LMLN: variants seen among roughly 807,000 people sequenced by gnomAD.
The protein encoded by LMLN is leishmanolysin like peptidase.
LMLN carries 70 observed loss-of-function variants against 92.3 expected under a neutral mutation model. The observed-to-expected ratio is 0.76, with a 90% CI of 0.63 to 0.92. LMLN has a LOEUF of 0.92. Among genes scored for constraint, LMLN ranks in the 40% least tolerant of loss-of-function variants. The pLI, the probability that LMLN is intolerant of heterozygous loss-of-function variation, is 0.00. For missense variants in LMLN, 691 were observed against 814.6 expected (o/e 0.85, Z 1.85); for synonymous variants, 308 against 296.2 (o/e 1.04, Z -0.41).
chr3:197,998,026 G>A (rs1722075467), intron 10 of LMLN, among the ~76,000 whole-genome samples: 2 of 152,126 alleles, frequency 1.3e-5, no homozygotes. Flanking sequence ...GATTCCCTTC[G>A]AGAAGGATAT....
intron 1 of LMLN, among the ~76,000 whole-genome samples, chr3:197,970,074 C>A (rs1379774156): frequency 6.6e-6 from 1 of 152,022 alleles, no homozygotes; most frequent in Non-Finnish European, 1.5e-5. Flanking sequence ...ATTGCTTGAA[C>A]CCAGGAGGCG....
chr3:197,966,319 G>A (rs1721059404), intron 1 of LMLN, among the ~76,000 whole-genome samples: 1 of 152,154 alleles, frequency 6.6e-6, no homozygotes, highest in South Asian at 2.1e-4. Flanking sequence ...TGGGATTACA[G>A]GCATGAGCCA....
intron 14 of LMLN, among the ~76,000 whole-genome samples, chr3:198,027,379 A>G (rs760563724): frequency 6.6e-6 from 1 of 152,132 alleles, no homozygotes; most frequent in Admixed American, 6.6e-5. Flanking sequence ...TTGTGGCAAA[A>G]TATATATAAC....
At chr3:197,993,976 A>T (rs1051420415) in intron 9 of LMLN, among the ~76,000 whole-genome samples, 3 of 152,206 alleles carry the variant, frequency 2.0e-5, no homozygotes, top group Non-Finnish European at 4.4e-5. Context: ...TTAACCAATT[A>T]TGGTTAATTG....
chr3:197,975,029 T>C lies in LMLN; in HGVS notation c.318-13T>C, dbSNP rs770368932. The C allele has an allele frequency of 1.4e-6, 2 of 1,459,006 alleles. No individual in the cohort carries two copies. The highest frequency in any genetic ancestry group is 2.3e-5 in the South Asian group (2 of 85,894). The allele number at this position is 1,459,006 out of a possible 1,614,324, so 90.4% of individuals were successfully genotyped here. ...GAGAGATAATCCTTATGTTTTTATG[T>C]CATTATTTTCAGGTTGCTCCCTGAG... On this transcript the variant is annotated splice_polypyrimidine_tract_variant and intron_variant, in intron 2 of 15. Coordinates refer to ENST00000330198, the Ensembl canonical transcript of LMLN.
At chr3:197,997,925 C>T (rs1056474983) in intron 10 of LMLN, among the ~76,000 whole-genome samples, 1 of 152,188 alleles carries the variant, frequency 6.6e-6, no homozygotes, top group Non-Finnish European at 1.5e-5. Context: ...TTATTTATAT[C>T]TGTGATACCC....
intron 11 of LMLN, among the ~76,000 whole-genome samples, chr3:198,016,292 A>G (rs1055017296): frequency 6.6e-6 from 1 of 152,122 alleles, no homozygotes; most frequent in African/African-American, 2.4e-5. Flanking sequence ...AGTTTCTACT[A>G]AGGAGTCTGA....
At position 198,038,372 on chromosome 3, in the gene LMLN, T is replaced by C. The variant is rs540814154; in HGVS notation, c.1868-195T>C. On this transcript the variant is annotated intron_variant, in intron 15 of 15. Transcript: ENST00000330198. ...TTGACATAGTGGATACATCATTTCT[T>C]CCTCCATATATATTTTTCCTCCATT... 26 of 525,686 alleles carry C rather than the reference T, an allele frequency of 4.9e-5. No individual in the cohort carries two copies. The South Asian group carries it at 6.4e-4, about 13-fold the overall frequency. 32.6% of individuals were successfully genotyped at this position (525,686 alleles called of 1,614,324 possible).
chr3:197,965,023 AAG>A (rs1560131203), intron 1 of LMLN, among the ~76,000 whole-genome samples: 2 of 150,108 alleles, frequency 1.3e-5, no homozygotes, highest in African/African-American at 2.4e-5. Context: ...AAAAAAAAAA[AAG>A]AAAGAAAGAG....
chr3:198,021,024 G>T (rs1360901081), intron 12 of LMLN, among the ~76,000 whole-genome samples: 1 of 151,782 alleles, frequency 6.6e-6, no homozygotes, highest in African/African-American at 2.4e-5. Flanking sequence ...TATTTTCTCA[G>T]ATTTTAATTT....
intron 6 of LMLN, among the ~76,000 whole-genome samples, chr3:197,982,029 CCCCTGACCT>C: frequency 6.6e-6 from 1 of 151,982 alleles, no homozygotes; most frequent in Non-Finnish European, 1.5e-5. Flanking sequence ...TGGTCTTGAA[CCCCTGACCT>C]CAGGTGATCT....
intron 7 of LMLN, among the ~76,000 whole-genome samples, chr3:197,985,358 C>T (rs116133660): frequency 8.5e-4 from 128 of 150,880 alleles, no homozygotes; most frequent in Middle Eastern, 3.4e-3. Flanking sequence ...AACTTTAAAA[C>T]GCAGACAGAC....
At chr3:197,999,313 A>G in exon 11 of LMLN, 1 of 1,613,470 alleles carries the variant, frequency 6.2e-7, no homozygotes, top group Admixed American at 1.7e-5. Flanking sequence ...TACTCTCTCG[A>G]ATCACTCTGG....
chr3:197,974,401 G>A lies in LMLN; in HGVS notation c.244G>A (p.Ala82Thr), dbSNP rs199536811. Residue 82 changes from alanine to threonine, a missense_variant, in exon 2 of 16, where the codon GCA (alanine) becomes ACA (threonine). Coordinates refer to ENST00000330198, the Ensembl canonical transcript of LMLN. ...GGTCATAAATAAAGTTCATCTTAAG[G>A]CAAATCATGTGGTCAAGAGAGATGT... 5 of 1,595,732 alleles carry A rather than the reference G, an allele frequency of 3.1e-6. No individual in the cohort carries two copies. The African/African-American group carries it at 5.4e-5, about 17-fold the overall frequency.
At chr3:197,976,244 G>A in intron 4 of LMLN, 133 bp downstream of exon 4, 1 of 543,252 alleles carries the variant, frequency 1.8e-6, no homozygotes, top group South Asian at 3.1e-5. Context: ...TAACTGCAAG[G>A]TATTTAAAAA....
intron 13 of LMLN, among the ~76,000 whole-genome samples, chr3:198,024,244 C>T (rs547160549): frequency 7.2e-4 from 101 of 139,402 alleles, no homozygotes; most frequent in African/African-American, 2.6e-3. Flanking sequence ...GAGACGGAGT[C>T]TCTCTCTGTC....
Position 198,019,471 on chromosome 3 carries a change from T to G in LMLN, c.1365+86T>G, listed in dbSNP as rs1722724074. On this transcript the variant is annotated intron_variant, in intron 12 of 15. Transcript: ENST00000330198. This position sits in a 1 kb window ranked among gnomAD's most constrained non-coding sequence, Gnocchi z 5.5. ...ACTAAAAGAGTAAATTCTCTTAAGA[T>G]TCTTAATTTATAAGGCCTTGTTTGT... The G allele has an allele frequency of 1.5e-6, 2 of 1,330,860 alleles. No homozygotes were observed. The highest frequency in any genetic ancestry group is 1.5e-5 in the African/African-American group (1 of 67,946). The allele number at this position is 1,330,860 out of a possible 1,614,324, so 82.4% of individuals were successfully genotyped here. A position where few individuals can be genotyped will look rare whatever the true frequency, so the allele number is the denominator to read the frequency against.
chr3:197,994,610 C>G (rs1275094864), intron 9 of LMLN: 2 of 152,138 alleles, frequency 1.3e-5, no homozygotes, highest in Non-Finnish European at 2.9e-5. Context: ...AGAGCTCTCG[C>G]TTTGGCAGCA....
Position 198,010,702 on chromosome 3 carries a change from C to T in LMLN, c.1233-8551C>T, listed in dbSNP as rs1044321958. ...CTGGGCTCTAGCAATCGGCCCACCTCGGCCTCCCAAAGTGCTGGGATTATA... is the reference window on the plus strand; with the variant it reads ...CTGGGCTCTAGCAATCGGCCCACCTTGGCCTCCCAAAGTGCTGGGATTATA... On this transcript the variant is annotated intron_variant, in intron 11 of 15. Transcript: ENST00000330198. 1.6e-4 allele frequency among the ~76,000 whole-genome samples: 24 copies of T among 151,100 alleles called. 1 individual carries two copies. The highest frequency in any genetic ancestry group is 1.0e-4 in the Non-Finnish European group (7 of 67,760).
Sources: gnomAD v4.1 joint callset for allele counts (sites outside exome capture counted in the v4.1 genomes callset) on GRCh38, gnomAD v4.1.1 for gene constraint, Gnocchi (gnomAD v3.1) non-coding constraint, MANE v1.5 for transcripts, NCBI Gene and HGNC (gene_info 2026-07-23, HGNC 2026-07-21) for gene names.